DIAPH3: variants seen among roughly 807,000 people sequenced by gnomAD.
The protein encoded by DIAPH3 is diaphanous related formin 3.
DIAPH3 carries 117 observed loss-of-function variants against 144.3 expected under a neutral mutation model. That is an observed-to-expected ratio of 0.81 (90% CI 0.70 to 0.95). DIAPH3 has a LOEUF of 0.95. Among genes scored for constraint, DIAPH3 ranks in the 40% least tolerant of loss-of-function variants. The pLI, the probability that DIAPH3 is intolerant of heterozygous loss-of-function variation, is 0.00. For missense variants in DIAPH3, 1,421 were observed against 1,412.7 expected, an observed-to-expected ratio of 1.01 and a Z score of -0.09; for synonymous variants, 519 against 488.9, an observed-to-expected ratio of 1.06 and a Z score of -0.81.
rs759439610 is a variant in DIAPH3 at position 60,163,586 on chromosome 13, C to T, written c.180+1G>A. The T allele has an allele frequency of 6.3e-7, 1 of 1,584,434 alleles. No homozygotes were observed. The highest frequency in any genetic ancestry group is 1.7e-5 in the Admixed American group (1 of 58,362). ...CCACCCTAGCTCCAGGCGATACTCA[C>T]AAACTTGGGGCGCTTCTCCCCAGGC... On this transcript the variant is annotated splice_donor_variant, in intron 1 of 27. Coordinates refer to ENST00000400324, the MANE Select transcript of DIAPH3 (RefSeq NM_001042517.2). LOFTEE classifies it high-confidence loss of function.
chr13:60,136,423 C>T (rs1019574150), intron 1 of DIAPH3, among the ~76,000 whole-genome samples: 4 of 137,458 alleles, frequency 2.9e-5, no homozygotes, highest in Non-Finnish European at 4.6e-5. Context: ...AACTAGGAAA[C>T]ACCTTTAAAA....
chr13:60,087,037 A>G (rs1031157898), intron 4 of DIAPH3, among the ~76,000 whole-genome samples: 1 of 152,180 alleles, frequency 6.6e-6, no homozygotes, highest in Non-Finnish European at 1.5e-5. Context: ...TATACTTTAA[A>G]TCATCTCTAG....
chr13:59,710,125 T>C (rs1383566764), intron 27 of DIAPH3, among the ~76,000 whole-genome samples: 1 of 151,862 alleles, frequency 6.6e-6, no homozygotes, highest in Non-Finnish European at 1.5e-5. Context: ...GGGATAGCAT[T>C]GGGAGATATA....
intron 1 of DIAPH3, among the ~76,000 whole-genome samples, chr13:60,137,152 TGA>T (rs2059305922): frequency 6.6e-6 from 1 of 152,174 alleles, no homozygotes; most frequent in African/African-American, 2.4e-5. Context: ...TTTCTGTTAA[TGA>T]CAGTTCCTAG....
chr13:60,114,210 T>C, intron 2 of DIAPH3, among the ~76,000 whole-genome samples: 1 of 147,106 alleles, frequency 6.8e-6, no homozygotes, highest in East Asian at 2.0e-4. Context: ...CCTGAAACGA[T>C]ATAATGAAGA....
At chr13:59,733,699 C>A (rs1265106943) in intron 27 of DIAPH3, among the ~76,000 whole-genome samples, 1 of 152,206 alleles carries the variant, frequency 6.6e-6, no homozygotes, top group Non-Finnish European at 1.5e-5. Flanking sequence ...AATCTCTTTT[C>A]ATTATCAACC....
At chr13:59,712,340 T>C (rs1177683445) in intron 27 of DIAPH3, among the ~76,000 whole-genome samples, 1 of 152,186 alleles carries the variant, frequency 6.6e-6, no homozygotes, top group African/African-American at 2.4e-5. Flanking sequence ...AAAGCAGTGG[T>C]CCTTTTCTCA....
intron 27 of DIAPH3, among the ~76,000 whole-genome samples, chr13:59,714,513 C>T (rs918288259): frequency 1.6e-4 from 24 of 152,110 alleles, no homozygotes; most frequent in African/African-American, 5.8e-4. Context: ...CTAGCCTGGG[C>T]AACACAGTGA....
rs535142279 is a variant in DIAPH3, at chr13:59,848,240, T to C, written c.2738-8792A>G. Among the ~76,000 whole-genome samples, 5 of 151,978 alleles carry C rather than the reference T, an allele frequency of 3.3e-5. 1 individual carries two copies. Among genetic ancestry groups the C allele is most frequent in the African/African-American group, 1.2e-4 (5 of 41,518 alleles). ...CAATCCTTTGAAAATTTAAGTCAGA[T>C]GTCACTCTTTTGCTCAAAACCTTCC... On this transcript the variant is annotated intron_variant, in intron 22 of 27. Transcript: ENST00000400324.
chr13:60,088,124 T>C (rs929283638), intron 4 of DIAPH3, among the ~76,000 whole-genome samples: 3 of 152,218 alleles, frequency 2.0e-5, no homozygotes, highest in Non-Finnish European at 4.4e-5. Context: ...AGTTGTAATC[T>C]GTAGGTAGTT....
At chr13:59,967,091 T>C (rs530506280) in intron 17 of DIAPH3, among the ~76,000 whole-genome samples, 2 of 152,094 alleles carry the variant, frequency 1.3e-5, no homozygotes, top group South Asian at 4.2e-4. Context: ...TTTTGAGACA[T>C]AGTCTTACTC....
At chr13:60,020,055 A>G (rs2141014743) in intron 5 of DIAPH3, among the ~76,000 whole-genome samples, 1 of 152,290 alleles carries the variant, frequency 6.6e-6, no homozygotes, top group South Asian at 2.1e-4. Context: ...CATAAGAGCA[A>G]TCTTACCTGA....
At chr13:60,124,148 T>C (rs1183446615) in intron 2 of DIAPH3, among the ~76,000 whole-genome samples, 2 of 152,312 alleles carry the variant, frequency 1.3e-5, no homozygotes, top group South Asian at 4.1e-4. Flanking sequence ...GTAACAGTTA[T>C]ACCGAGGAAG....
At chr13:60,022,595 C>A (rs1316365723) in intron 5 of DIAPH3, among the ~76,000 whole-genome samples, 1 of 152,132 alleles carries the variant, frequency 6.6e-6, no homozygotes, top group African/African-American at 2.4e-5. Flanking sequence ...TGGAAGCTGC[C>A]AATCCTTCCA....
chr13:60,124,270 T>G (rs2138168245), intron 2 of DIAPH3, among the ~76,000 whole-genome samples: 1 of 152,258 alleles, frequency 6.6e-6, no homozygotes, highest in East Asian at 1.9e-4. Flanking sequence ...TATGACCCCA[T>G]TACCCCGGGA....
intron 5 of DIAPH3, among the ~76,000 whole-genome samples, 187 bp downstream of exon 5, chr13:60,042,503 T>G (rs2055752226): frequency 6.6e-6 from 1 of 152,306 alleles, no homozygotes; most frequent in African/African-American, 2.4e-5. Context: ...CCCTGAGCAA[T>G]GTACCACTCA....
intron 27 of DIAPH3, among the ~76,000 whole-genome samples, chr13:59,740,080 A>G (rs1226496337): frequency 6.6e-6 from 1 of 152,182 alleles, no homozygotes; most frequent in Non-Finnish European, 1.5e-5. Context: ...TTACATGCCA[A>G]TAATGAAACT....
chr13:59,776,441 C>T (rs966446780), intron 25 of DIAPH3, among the ~76,000 whole-genome samples: 11 of 151,786 alleles, frequency 7.2e-5, no homozygotes, highest in African/African-American at 2.2e-4. Context: ...TCAAATTCAA[C>T]TATATTTTTC....
At chr13:60,129,779 A>T (rs571599392) in intron 2 of DIAPH3, among the ~76,000 whole-genome samples, 1 of 152,346 alleles carries the variant, frequency 6.6e-6, no homozygotes, top group East Asian at 1.9e-4. Context: ...TCAAAGCATC[A>T]TTGGCAAATG....
Sources: allele counts gnomAD v4.1 joint callset (sites outside exome capture counted in the v4.1 genomes callset), GRCh38; gene constraint gnomAD v4.1.1; transcripts MANE v1.5; gene names NCBI Gene and HGNC (gene_info 2026-07-23, HGNC 2026-07-21).